Variants in NXPH1 observed in about 807,000 individuals in gnomAD.
The protein encoded by NXPH1 is neurexophilin 1.
Under a neutral mutation model 23.7 loss-of-function variants are expected in NXPH1, and 5 were observed. The ratio of observed to expected loss-of-function variants is 0.21; its 90% CI spans 0.11 to 0.44. The LOEUF (loss-of-function observed/expected upper bound fraction) is 0.44. NXPH1 is among the 20% of genes least tolerant of loss of function. The probability of loss-of-function intolerance (pLI) is 0.99; values close to 1 mark genes in which losing one functional copy is unlikely to be tolerated. For missense variants in NXPH1, 324 were observed against 321.6 expected (o/e 1.01, Z -0.06); for synonymous variants, 144 against 122.2 (o/e 1.18, Z -1.18).
chr7:8,620,505 G>A (rs866509717), intron 2 of NXPH1, among the ~76,000 whole-genome samples: 11 of 152,122 alleles, frequency 7.2e-5, no homozygotes, highest in Non-Finnish European at 1.5e-4. Context: ...TGACTTTTGG[G>A]CAAAAGAATA....
chr7:8,561,101 T>C (rs1300256310), intron 2 of NXPH1, among the ~76,000 whole-genome samples: 2 of 151,600 alleles, frequency 1.3e-5, no homozygotes, highest in African/African-American at 4.8e-5. Context: ...GGGAATTCTA[T>C]ATACTCTCCC....
chr7:8,479,379 C>A (rs1817035159), intron 2 of NXPH1, among the ~76,000 whole-genome samples: 1 of 152,042 alleles, frequency 6.6e-6, no homozygotes, highest in Non-Finnish European at 1.5e-5. Flanking sequence ...TCCTGTGTAT[C>A]TTTGAGCATT....
rs1816145077 is a variant in NXPH1 at position 8,434,070 on chromosome 7, G to GCAGCACCAGGGA, written c.-791_-780dup. On this transcript the variant is annotated 5_prime_UTR_variant, in exon 1 of 3. Coordinates refer to ENST00000405863, the MANE Select transcript of NXPH1 (RefSeq NM_152745.3). This position sits in a 1 kb window ranked among gnomAD's most constrained non-coding sequence, Gnocchi z 7.6. ...CTCCAGAGCGTCCCCGGGTGGCCGG[G>GCAGCACCAGGGA]CAGCACCAGGGACAGCGCCCGGGAC... 1 of 152,218 alleles carries GCAGCACCAGGGA rather than the reference G, an allele frequency of 6.6e-6. No homozygotes were observed. Among genetic ancestry groups the GCAGCACCAGGGA allele is most frequent in the South Asian group, 2.1e-4 (1 of 4,832 alleles). The allele number at this position is 152,218 out of a possible 1,614,324, so 9.4% of individuals were successfully genotyped here.
intron 2 of NXPH1, among the ~76,000 whole-genome samples, chr7:8,685,286 A>G (rs1334971111): frequency 6.6e-6 from 1 of 150,966 alleles, no homozygotes; most frequent in Non-Finnish European, 1.5e-5. Flanking sequence ...TGAAGTAGAG[A>G]GGCATTCCTG....
intron 2 of NXPH1, among the ~76,000 whole-genome samples, chr7:8,535,273 G>T (rs574880428): frequency 6.6e-6 from 1 of 152,018 alleles, no homozygotes; most frequent in African/African-American, 2.4e-5. Flanking sequence ...CAAAAAAAAG[G>T]AAACAATCAG....
chr7:8,506,253 T>C (rs1313491952), intron 2 of NXPH1, among the ~76,000 whole-genome samples: 1 of 152,110 alleles, frequency 6.6e-6, no homozygotes, highest in Non-Finnish European at 1.5e-5. Flanking sequence ...ATTGAAGGAA[T>C]TCTGTTACTC....
At chr7:8,656,047 T>G (rs1820576992) in intron 2 of NXPH1, among the ~76,000 whole-genome samples, 1 of 152,238 alleles carries the variant, frequency 6.6e-6, no homozygotes, top group Admixed American at 6.5e-5. Flanking sequence ...AGCAGTTTGG[T>G]GGCACAAATT....
At chr7:8,544,063 T>C (rs564710679) in intron 2 of NXPH1, among the ~76,000 whole-genome samples, 1 of 151,768 alleles carries the variant, frequency 6.6e-6, no homozygotes, top group African/African-American at 2.4e-5. Flanking sequence ...CTCCCAAGCC[T>C]AGTGTTCTTG....
At chr7:8,637,230 T>A (rs1477868411) in intron 2 of NXPH1, among the ~76,000 whole-genome samples, 4 of 151,930 alleles carry the variant, frequency 2.6e-5, no homozygotes, top group Non-Finnish European at 5.9e-5. Flanking sequence ...TGACTCTTTT[T>A]TTTTTTTTGA....
At chr7:8,443,061 C>G (rs1317553067) in intron 2 of NXPH1, among the ~76,000 whole-genome samples, 5 of 152,230 alleles carry the variant, frequency 3.3e-5, no homozygotes, top group Non-Finnish European at 7.3e-5. Context: ...CGGCTGGGTC[C>G]TTAAAGTCGA....
intron 2 of NXPH1, among the ~76,000 whole-genome samples, chr7:8,736,772 T>C (rs1200218956): frequency 6.6e-6 from 1 of 152,190 alleles, no homozygotes; most frequent in East Asian, 1.9e-4. Context: ...AGTCTCTTTT[T>C]AGGTGTCTAA....
intron 2 of NXPH1, among the ~76,000 whole-genome samples, chr7:8,516,744 A>AAGT (rs1401822903): frequency 6.6e-6 from 1 of 152,088 alleles, no homozygotes; most frequent in Non-Finnish European, 1.5e-5. Flanking sequence ...AGAAGTGGAG[A>AAGT]GGGAGAGAAA....
intron 2 of NXPH1, among the ~76,000 whole-genome samples, chr7:8,528,098 G>C (rs1403041711): frequency 6.6e-6 from 1 of 152,236 alleles, no homozygotes; most frequent in Non-Finnish European, 1.5e-5. Flanking sequence ...GAATGAGAGA[G>C]AGGAGCTGTG....
chr7:8,490,188 A>G (rs1038477087), intron 2 of NXPH1, among the ~76,000 whole-genome samples: 1 of 152,110 alleles, frequency 6.6e-6, no homozygotes, highest in African/African-American at 2.4e-5. Context: ...CTAATAAAAA[A>G]TAATTTCATG....
intron 2 of NXPH1, among the ~76,000 whole-genome samples, chr7:8,507,193 C>T (rs146549932): frequency 3.3e-5 from 5 of 151,372 alleles, no homozygotes; most frequent in African/African-American, 7.3e-5. Flanking sequence ...TTGGGGGTGG[C>T]GTGGGGAGAA....
intron 2 of NXPH1, among the ~76,000 whole-genome samples, chr7:8,566,888 T>A (rs1475787967): frequency 6.6e-6 from 1 of 151,826 alleles, no homozygotes; most frequent in African/African-American, 2.4e-5. Flanking sequence ...TATCTACTGT[T>A]AGTTCTGTCC....
chr7:8,641,787 ATT>A lies in NXPH1; in HGVS notation c.55-109219_55-109218del, dbSNP rs1273543412. Reference sequence around the variant, plus strand: ...TATTTTTCATGAGTTATATACTATAATTTAGTTTTCATTCTTATACAACCTTT... The same window carrying A: ...TATTTTTCATGAGTTATATACTATAATAGTTTTCATTCTTATACAACCTTT... On this transcript the variant is annotated intron_variant, in intron 2 of 2. Transcript: ENST00000405863. 5.3e-5 allele frequency among the ~76,000 whole-genome samples: 8 copies of A among 152,272 alleles called. No individual in the cohort carries two copies. The South Asian group carries it at 1.7e-3, about 32-fold the overall frequency.
At chr7:8,578,336 A>C (rs1488982250) in intron 2 of NXPH1, among the ~76,000 whole-genome samples, 2 of 152,180 alleles carry the variant, frequency 1.3e-5, no homozygotes, top group Non-Finnish European at 2.9e-5. Context: ...TGTAACTTTG[A>C]AAAATCCTAA....
intron 2 of NXPH1, among the ~76,000 whole-genome samples, chr7:8,565,305 GGAAA>G (rs1258394078): frequency 6.6e-6 from 1 of 151,708 alleles, no homozygotes; most frequent in Non-Finnish European, 1.5e-5. Context: ...GAACATCACT[GGAAA>G]GAGTTTGTCT....
Sources: gnomAD v4.1 joint callset for allele counts (sites outside exome capture counted in the v4.1 genomes callset) on GRCh38, gnomAD v4.1.1 for gene constraint, Gnocchi (gnomAD v3.1) non-coding constraint, MANE v1.5 for transcripts, NCBI Gene and HGNC (gene_info 2026-07-23, HGNC 2026-07-21) for gene names.